NCOR2: variants seen among roughly 807,000 people sequenced by gnomAD.
NCOR2 encodes nuclear receptor corepressor 2.
A neutral mutation model predicts 262.9 loss-of-function variants in NCOR2; 81 were observed. That is an observed-to-expected ratio of 0.31 (90% CI 0.26 to 0.37). The LOEUF (loss-of-function observed/expected upper bound fraction) is 0.37, where lower values mean the gene tolerates loss of function less well. NCOR2 is among the 10% of genes least tolerant of loss of function. The pLI, the probability that NCOR2 is intolerant of heterozygous loss-of-function variation, is 1.00. For missense variants in NCOR2, 3,385 were observed against 3,621.4 expected (o/e 0.93, Z 1.68); for synonymous variants, 1,659 against 1,559.3 (o/e 1.06, Z -1.51).
intron 37 of NCOR2, among the ~76,000 whole-genome samples, chr12:124,339,072 C>T (rs939602971): frequency 4.1e-5 from 6 of 145,544 alleles, no homozygotes; most frequent in Middle Eastern, 3.8e-3. Flanking sequence ...CATCCATCCA[C>T]ATGGCTAATC....
At chr12:124,335,373 C>G in intron 39 of NCOR2, 93 bp from the exon 42 acceptor site, 1 of 1,501,982 alleles carries the variant, frequency 6.7e-7, no homozygotes, top group Non-Finnish European at 8.9e-7. Flanking sequence ...CCTCATGATC[C>G]AGCCAATTCC....
At chr12:124,502,508 A>C (rs1482922837) in intron 1 of NCOR2, among the ~76,000 whole-genome samples, 1 of 152,036 alleles carries the variant, frequency 6.6e-6, no homozygotes. Context: ...TTTTATGCAA[A>C]GGCGCCGGGG....
upstream of NCOR2, among the ~76,000 whole-genome samples, chr12:124,499,559 C>T (rs956738567): frequency 7.9e-5 from 12 of 152,324 alleles, no homozygotes; most frequent in African/African-American, 2.6e-4. Context: ...GGGAGGTGAG[C>T]GCCAGCTGGT....
chr12:124,350,501 C>T (rs2037358691), intron 28 of NCOR2, 86 bp downstream of exon 30: 48 of 1,525,324 alleles, frequency 3.1e-5, no homozygotes, highest in Non-Finnish European at 4.2e-5. Flanking sequence ...TGATGTCAAT[C>T]CAGCCCTGCC....
chr12:124,354,282 A>T, intron 26 of NCOR2, 86 bp from the exon 29 acceptor site: 4 of 1,355,776 alleles, frequency 3.0e-6, no homozygotes, highest in Non-Finnish European at 3.0e-6. Context: ...CCTGACTGAG[A>T]GACCCACAAG....
upstream of NCOR2, chr12:124,539,696 C>G (rs573579512): frequency 6.6e-6 from 1 of 152,574 alleles, no homozygotes; most frequent in African/African-American, 2.4e-5. The surrounding 1 kb of genome is among the most constrained non-coding windows in gnomAD (Gnocchi z 5.1). Context: ...GACTTGCCCC[C>G]ACCTGCCAGC....
Position 124,503,256 on chromosome 12 carries a change from T to TG in NCOR2, c.-117-7889dup, listed in dbSNP as rs2048843366. On this transcript the variant is annotated intron_variant, in intron 1 of 46. Coordinates refer to the NCOR2 transcript ENST00000404621. This position sits in a 1 kb window ranked among gnomAD's most constrained non-coding sequence, Gnocchi z 4.3. ...AAGTCAGACAAAAGGCAAAAGGCCC[T>TG]GCTGACCACGGCCCACACCCAGTGA... Among the ~76,000 whole-genome samples, 1 of 152,232 alleles carries TG rather than the reference T, an allele frequency of 6.6e-6. No homozygotes were observed. The highest frequency in any genetic ancestry group is 2.1e-4 in the South Asian group (1 of 4,836).
chr12:124,417,718 C>T (rs1052876177), intron 13 of NCOR2, among the ~76,000 whole-genome samples: 38 of 152,346 alleles, frequency 2.5e-4, no homozygotes, highest in Middle Eastern at 3.4e-3. Context: ...CTGGCACTTA[C>T]CTTTTTGCCT....
At chr12:124,467,862 A>G (rs1423318819) in intron 4 of NCOR2, among the ~76,000 whole-genome samples, 1 of 46,494 alleles carries the variant, frequency 2.2e-5, no homozygotes, top group Non-Finnish European at 3.9e-5. Flanking sequence ...CCTCATCCTC[A>G]TCACCCCCAT....
chr12:124,405,222 C>T (rs183354516), intron 13 of NCOR2, among the ~76,000 whole-genome samples: 1 of 152,346 alleles, frequency 6.6e-6, no homozygotes, highest in Non-Finnish European at 1.5e-5. Flanking sequence ...CACCACGTGC[C>T]TGGCTCCGTC....
intron 22 of NCOR2, among the ~76,000 whole-genome samples, chr12:124,358,329 ATG>A (rs1194419736): frequency 1.4e-4 from 18 of 125,594 alleles, no homozygotes; most frequent in Non-Finnish European, 2.9e-4. Context: ...GAGTGCATGG[ATG>A]TGTGTGTGCC....
chr12:124,348,978 A>G (rs2037185719), intron 28 of NCOR2: 2 of 153,062 alleles, frequency 1.3e-5, no homozygotes. Context: ...AAGTGGGTCC[A>G]TGTACACACA....
rs918084165 is a variant in NCOR2 at position 124,484,340 on chromosome 12, G to A, written c.234-567C>T. 2.6e-5 allele frequency among the ~76,000 whole-genome samples: 4 copies of A among 152,174 alleles called. No homozygotes were observed. The East Asian group carries it at 5.8e-4, about 22-fold the overall frequency. On this transcript the variant is annotated intron_variant, in intron 2 of 46. Coordinates refer to ENST00000405201, the Ensembl canonical transcript of NCOR2. ...AGCCTAGCAGCCTGGTGCAGAGACT[G>A]GAGCTGCCCAGTTTCCCCAGCGACT...
Position 124,566,216 on chromosome 12 carries a change from G to A in NCOR2, c.-165+1092C>T, listed in dbSNP as rs1297549191. ...ATAAAACCAGTTCTCACCAACGGGG[G>A]AGAGGAGGAGGGGGAGGAAGGGAGG... On this transcript the variant is annotated intron_variant, in intron 1 of 32. Transcript: ENST00000458234. The surrounding 1 kb of genome is among the most constrained non-coding windows in gnomAD (Gnocchi z 4.3). 1.3e-5 allele frequency among the ~76,000 whole-genome samples: 2 copies of A among 152,326 alleles called. No homozygotes were observed. Among genetic ancestry groups the A allele is most frequent in the East Asian group, 1.9e-4 (1 of 5,182 alleles).
At chr12:124,491,283 T>C (rs948671895) in intron 1 of NCOR2, among the ~76,000 whole-genome samples, 2 of 152,252 alleles carry the variant, frequency 1.3e-5, no homozygotes, top group Admixed American at 6.5e-5. Flanking sequence ...ACATTATTGA[T>C]TATATCAAAT....
At chr12:124,463,511 G>A (rs925409389) in intron 5 of NCOR2, among the ~76,000 whole-genome samples, 1 of 152,216 alleles carries the variant, frequency 6.6e-6, no homozygotes, top group Non-Finnish European at 1.5e-5. Context: ...GCGGGGAGGC[G>A]GGAAAAGCCT....
At chr12:124,480,986 T>C (rs2047435346) in intron 3 of NCOR2, among the ~76,000 whole-genome samples, 1 of 149,952 alleles carries the variant, frequency 6.7e-6, no homozygotes, top group Admixed American at 6.6e-5. Context: ...CAAGGACAGA[T>C]GGCCGCAGGC....
chr12:124,417,411 C>T (rs930656644), intron 13 of NCOR2, among the ~76,000 whole-genome samples: 1 of 152,222 alleles, frequency 6.6e-6, no homozygotes, highest in African/African-American at 2.4e-5. Flanking sequence ...GTCTCCCCAC[C>T]TCCCTCTGTG....
chr12:124,335,090 C>T, intron 40 of NCOR2, 45 bp downstream of exon 42: 1 of 1,612,064 alleles, frequency 6.2e-7, no homozygotes, highest in Non-Finnish European at 8.5e-7. Context: ...GCCTGGTGCC[C>T]CCAGGTGCAA....
Sources: gnomAD v4.1 joint callset for allele counts (sites outside exome capture counted in the v4.1 genomes callset) on GRCh38, gnomAD v4.1.1 for gene constraint, Gnocchi (gnomAD v3.1) non-coding constraint, MANE v1.5 for transcripts, NCBI Gene and HGNC (gene_info 2026-07-23, HGNC 2026-07-21) for gene names.